Variants in INPP5D observed in about 807,000 individuals in gnomAD.
INPP5D encodes phosphatidylinositol 3,4,5-trisphosphate 5-phosphatase 1.
In INPP5D, 33 loss-of-function variants were observed where a neutral mutation model predicts 122.9. That is an observed-to-expected ratio of 0.27 (90% CI 0.20 to 0.36). The LOEUF (loss-of-function observed/expected upper bound fraction) is 0.36, where lower values mean the gene tolerates loss of function less well. Among genes scored for constraint, INPP5D ranks in the 10% least tolerant of loss-of-function variants. The probability of loss-of-function intolerance (pLI) is 1.00; values close to 1 mark genes in which losing one functional copy is unlikely to be tolerated. For synonymous variants in INPP5D, 584 were observed against 576.2 expected (o/e 1.01, Z -0.19); for missense variants, 1,053 against 1,412.7 (o/e 0.75, Z 4.08).
At chr2:233,076,599 A>C (rs921429772) in intron 1 of INPP5D, among the ~76,000 whole-genome samples, 1 of 152,240 alleles carries the variant, frequency 6.6e-6, no homozygotes, top group Admixed American at 6.5e-5. Context: ...AAATTGTAAA[A>C]CATCTACACA....
intron 17 of INPP5D, among the ~76,000 whole-genome samples, chr2:233,175,337 T>C (rs1694591273): frequency 6.6e-6 from 1 of 151,396 alleles, no homozygotes; most frequent in Admixed American, 6.6e-5. Context: ...TTATAAACAA[T>C]GGAACTTTTA....
chr2:233,137,592 A>T (rs1693499974), intron 5 of INPP5D, among the ~76,000 whole-genome samples: 2 of 150,592 alleles, frequency 1.3e-5, no homozygotes, highest in African/African-American at 2.4e-5. Context: ...AGTTGCTGGC[A>T]TTACAGGTGC....
At chr2:233,063,617 G>A (rs1357999398) in intron 1 of INPP5D, among the ~76,000 whole-genome samples, 1 of 152,262 alleles carries the variant, frequency 6.6e-6, no homozygotes, top group African/African-American at 2.4e-5. Flanking sequence ...TTCCTCGAGA[G>A]AGGTCAGCCC....
intron 2 of INPP5D, among the ~76,000 whole-genome samples, chr2:233,093,674 A>G (rs1574719360): frequency 6.9e-6 from 1 of 145,336 alleles, no homozygotes; most frequent in East Asian, 2.1e-4. Context: ...AGAGTGAGAC[A>G]CTGTCTCCAA....
chr2:233,194,222 T>C (rs1695125601), intron 23 of INPP5D, among the ~76,000 whole-genome samples: 1 of 152,100 alleles, frequency 6.6e-6, no homozygotes, highest in African/African-American at 2.4e-5. Flanking sequence ...CCTGTCAGCC[T>C]TTAGGCCTTG....
intron 4 of INPP5D, among the ~76,000 whole-genome samples, chr2:233,130,219 C>A (rs934247192): frequency 3.9e-5 from 6 of 152,094 alleles, no homozygotes; most frequent in African/African-American, 1.4e-4. Flanking sequence ...AAAGTATAAC[C>A]ATTTCCCAGA....
In INPP5D at chr2:233,153,609, C is replaced by A. The variant is rs149982101; in HGVS notation, c.1031-4704C>A. 8.3e-3 allele frequency among the ~76,000 whole-genome samples: 1,267 copies of A among 152,256 alleles called. 19 individuals are homozygous for A. The highest frequency in any genetic ancestry group is 0.029 in the African/African-American group (1,212 of 41,538). On this transcript the variant is annotated intron_variant, in intron 9 of 26. Coordinates refer to ENST00000445964, the MANE Select transcript of INPP5D (RefSeq NM_001017915.3). ...CTCAGGAACTGAGAGCCTTGGGGAC[C>A]CCAAGAAGTGGGGTGAAGGTGGGGT...
chr2:233,188,329 C>T lies in INPP5D; in HGVS notation c.2359-1521C>T, dbSNP rs183998661. Among the ~76,000 whole-genome samples the T allele has an allele frequency of 1.3e-5, 2 of 152,070 alleles. No homozygotes were observed. The highest frequency in any genetic ancestry group is 2.9e-5 in the Non-Finnish European group (2 of 68,004). ...CCTAGATAGTTCTCCTCCCTGCCACCGCCTGCCAGGGTGGTGGTGTCGCAC... is the reference window on the plus strand; with the variant it reads ...CCTAGATAGTTCTCCTCCCTGCCACTGCCTGCCAGGGTGGTGGTGTCGCAC... On this transcript the variant is annotated intron_variant, in intron 21 of 26. Coordinates refer to ENST00000445964, the MANE Select transcript of INPP5D (RefSeq NM_001017915.3). The surrounding 1 kb of genome is among the most constrained non-coding windows in gnomAD (Gnocchi z 4.7).
At chr2:233,121,339 T>C (rs1358537893) in intron 2 of INPP5D, among the ~76,000 whole-genome samples, 2 of 151,636 alleles carry the variant, frequency 1.3e-5, no homozygotes, top group African/African-American at 2.4e-5. Context: ...AGTTTCATCA[T>C]GTTGGCCAGA....
chr2:233,072,962 A>G (rs1691419566), intron 1 of INPP5D, among the ~76,000 whole-genome samples: 1 of 152,230 alleles, frequency 6.6e-6, no homozygotes, highest in Admixed American at 6.5e-5. Context: ...CAGTGGCCAG[A>G]GCTGTGTCAC....
chr2:233,095,319 T>C (rs897467106), intron 2 of INPP5D, among the ~76,000 whole-genome samples: 4 of 152,218 alleles, frequency 2.6e-5, no homozygotes, highest in Admixed American at 2.0e-4. Flanking sequence ...GCCCAGGCTG[T>C]TCTTAAACTT....
intron 26 of INPP5D, chr2:233,205,211 G>A (rs970127924): frequency 6.6e-6 from 1 of 152,482 alleles, no homozygotes; most frequent in African/African-American, 2.4e-5. Context: ...CGGGCATGGT[G>A]GCGCACGCCT....
rs1695507676 is a variant in INPP5D, at chr2:233,206,470, T to C, written c.3568-236T>C. 6.6e-6 allele frequency among the ~76,000 whole-genome samples: 1 copy of C among 152,104 alleles called. No individual in the cohort carries two copies. The highest frequency in any genetic ancestry group is 1.5e-5 in the Non-Finnish European group (1 of 68,024). ...GGAACCCAAGAATTCAAGGCTGCAG[T>C]GAGCTATGATTGCACCACTGCACTC... On this transcript the variant is annotated intron_variant, in intron 26 of 26. Transcript: ENST00000445964. The surrounding 1 kb of genome is among the most constrained non-coding windows in gnomAD (Gnocchi z 4.0).
chr2:233,078,170 T>C lies in INPP5D; in HGVS notation c.135-1165T>C, dbSNP rs750209174. Among the ~76,000 whole-genome samples, 4 of 152,242 alleles carry C rather than the reference T, an allele frequency of 2.6e-5. No homozygotes were observed. Among genetic ancestry groups the C allele is most frequent in the African/African-American group, 4.8e-5 (2 of 41,472 alleles). ...ACAGCCTTCTGGCCTCAGCAGCCGA[T>C]GGATTCCATGGGTGTTAGCTGCTGC... On this transcript the variant is annotated intron_variant, in intron 1 of 26. Transcript: ENST00000445964. This position sits in a 1 kb window ranked among gnomAD's most constrained non-coding sequence, Gnocchi z 4.6.
Position 233,184,539 on chromosome 2 carries a change from C to T in INPP5D, c.2275+18C>T. 1.9e-6 allele frequency: 3 copies of T among 1,613,742 alleles called. No homozygotes were observed. The highest frequency in any genetic ancestry group is 2.5e-6 in the Non-Finnish European group (3 of 1,179,776). ...CTTGGAGAGTAAGTGGCTGCTGAGC[C>T]ACCTTCTGGGCAGAACTGCCCGGAG... is the stretch of plus-strand genomic sequence containing the variant. On this transcript the variant is annotated intron_variant, in intron 20 of 26. Transcript: ENST00000445964.
rs1370091798 is a variant in INPP5D, at chr2:233,183,531, C to T, written c.2162-877C>T. 6.6e-6 allele frequency among the ~76,000 whole-genome samples: 1 copy of T among 152,220 alleles called. No homozygotes were observed. The highest frequency in any genetic ancestry group is 1.5e-5 in the Non-Finnish European group (1 of 68,022). On this transcript the variant is annotated intron_variant, in intron 19 of 26. Coordinates refer to ENST00000445964, the MANE Select transcript of INPP5D (RefSeq NM_001017915.3). The surrounding 1 kb of genome is among the most constrained non-coding windows in gnomAD (Gnocchi z 4.6). ...TCCTTAGGCAGGACCTCTTCCCCGA[C>T]TTCCACCCATCTCTCCTTTCTCTGA...
intron 19 of INPP5D, among the ~76,000 whole-genome samples, chr2:233,184,119 T>C (rs192357667): frequency 1.3e-5 from 2 of 152,216 alleles, no homozygotes; most frequent in Admixed American, 1.3e-4. Context: ...AGTGGGGGTA[T>C]TGCCTGAGGT....
intron 2 of INPP5D, among the ~76,000 whole-genome samples, chr2:233,092,327 C>T (rs1187415812): frequency 6.6e-6 from 1 of 152,022 alleles, no homozygotes; most frequent in Non-Finnish European, 1.5e-5. Context: ...AAGAGTTTTA[C>T]GAAAAGAAAA....
chr2:233,160,639 T>G lies in INPP5D; in HGVS notation c.1138-1085T>G, dbSNP rs1694175499. On this transcript the variant is annotated intron_variant, in intron 10 of 26. Transcript: ENST00000445964. This position sits in a 1 kb window ranked among gnomAD's most constrained non-coding sequence, Gnocchi z 4.2. ...TCCCTTCTTTCTTTCTTTTTCTGTTTCTTTTCTTTTCTGAGACAGGGTCTT... is the reference window on the plus strand; with the variant it reads ...TCCCTTCTTTCTTTCTTTTTCTGTTGCTTTTCTTTTCTGAGACAGGGTCTT... Among the ~76,000 whole-genome samples the G allele has an allele frequency of 6.6e-6, 1 of 152,150 alleles. No individual in the cohort carries two copies. Among genetic ancestry groups the G allele is most frequent in the South Asian group, 2.1e-4 (1 of 4,832 alleles).
Sources: allele counts gnomAD v4.1 joint callset (sites outside exome capture counted in the v4.1 genomes callset), GRCh38; gene constraint gnomAD v4.1.1; non-coding constraint Gnocchi (gnomAD v3.1); transcripts MANE v1.5; gene names NCBI Gene and HGNC (gene_info 2026-07-23, HGNC 2026-07-21).